TENM4: variants seen among roughly 807,000 people sequenced by gnomAD.
The protein encoded by TENM4 is teneurin transmembrane protein 4.
TENM4 carries 82 observed loss-of-function variants against 243.3 expected under a neutral mutation model. The observed-to-expected ratio is 0.34, with a 90% CI of 0.28 to 0.40. TENM4 has a LOEUF of 0.40. TENM4 is among the 10% of genes least tolerant of loss of function. TENM4 has a pLI of 1.00. For synonymous variants in TENM4, 1,412 were observed against 1,456.3 expected (o/e 0.97, Z 0.69); for missense variants, 3,138 against 3,673.3 (o/e 0.85, Z 3.77).
rs147379455 is a variant in TENM4 at position 79,049,692 on chromosome 11, C to T, written c.493+15046G>A. Among the ~76,000 whole-genome samples, 692 of 152,326 alleles carry T rather than the reference C, an allele frequency of 4.5e-3. 10 individuals are homozygous for T. Among genetic ancestry groups the T allele is most frequent in the African/African-American group, 0.016 (655 of 41,574 alleles). ...ACCAATAATGAGTGTATGTTAAACA[C>T]CTTATTTCCTTCCGGGAGATTGGAA... On this transcript the variant is annotated intron_variant, in intron 6 of 33. Coordinates refer to ENST00000278550, the MANE Select transcript of TENM4 (RefSeq NM_001098816.3).
chr11:79,277,473 T>C (rs1388490793), intron 2 of TENM4, among the ~76,000 whole-genome samples: 1 of 152,214 alleles, frequency 6.6e-6, no homozygotes, highest in African/African-American at 2.4e-5. Context: ...CCTGACAATG[T>C]CTAATCAACG....
chr11:79,395,922 C>A (rs1458356435), intron 1 of TENM4, among the ~76,000 whole-genome samples: 1 of 152,184 alleles, frequency 6.6e-6, no homozygotes, highest in African/African-American at 2.4e-5. Context: ...GTTGGAGCTC[C>A]TTGGCCTCAG....
intron 1 of TENM4, among the ~76,000 whole-genome samples, chr11:79,331,098 T>C (rs972816060): frequency 2.6e-5 from 4 of 152,216 alleles, no homozygotes; most frequent in African/African-American, 9.6e-5. Context: ...GGATGAATGA[T>C]TCAGAGTTAG....
At chr11:78,940,710 G>A (rs1856872990) in intron 6 of TENM4, among the ~76,000 whole-genome samples, 2 of 152,156 alleles carry the variant, frequency 1.3e-5, no homozygotes, top group African/African-American at 2.4e-5. Context: ...CCTGTAACCT[G>A]AGCCCCACTG....
chr11:79,249,390 T>G (rs1855572046), intron 2 of TENM4, among the ~76,000 whole-genome samples: 1 of 152,202 alleles, frequency 6.6e-6, no homozygotes, highest in African/African-American at 2.4e-5. Flanking sequence ...ATGCTTCTAG[T>G]CTACCTTTTA....
chr11:79,438,435 C>A lies in TENM4; in HGVS notation c.-321+2074G>T, dbSNP rs912691367. ...AAGCCATACCCGACCCCAGCCCCAT[C>A]CCGTCCCCATCAGCGCCGGGCTAGC... is the stretch of plus-strand genomic sequence containing the variant. On this transcript the variant is annotated intron_variant, in intron 1 of 33. Transcript: ENST00000278550. The surrounding 1 kb of genome is among the most constrained non-coding windows in gnomAD (Gnocchi z 4.1). 6.6e-6 allele frequency among the ~76,000 whole-genome samples: 1 copy of A among 152,164 alleles called. No individual in the cohort carries two copies. Among genetic ancestry groups the A allele is most frequent in the Non-Finnish European group, 1.5e-5 (1 of 68,014 alleles).
At chr11:78,858,631 C>A (rs1858737677) in intron 10 of TENM4, among the ~76,000 whole-genome samples, 3 of 152,184 alleles carry the variant, frequency 2.0e-5, no homozygotes, top group African/African-American at 7.2e-5. Context: ...TGCTATAAGA[C>A]TTTTTGTCCT....
intron 19 of TENM4, among the ~76,000 whole-genome samples, chr11:78,738,970 C>A (rs1391460186): frequency 6.6e-6 from 1 of 151,860 alleles, no homozygotes; most frequent in Non-Finnish European, 1.5e-5. Flanking sequence ...TAGGCATGTG[C>A]CAGTTCTTTG....
intron 13 of TENM4, among the ~76,000 whole-genome samples, chr11:78,813,042 T>C (rs575003670): frequency 4.6e-5 from 7 of 152,324 alleles, no homozygotes; most frequent in African/African-American, 1.7e-4. Context: ...CGGTAATTCT[T>C]GTTAGAAGGA....
intron 4 of TENM4, among the ~76,000 whole-genome samples, chr11:79,073,673 G>T: frequency 1.3e-5 from 2 of 152,088 alleles, no homozygotes; most frequent in East Asian, 3.9e-4. Context: ...CCACTGACCG[G>T]CTGAATGACC....
At position 79,406,096 on chromosome 11, in the gene TENM4, A is replaced by T. The variant is rs372272435; in HGVS notation, c.-321+34413T>A. Among the ~76,000 whole-genome samples, 9 of 152,222 alleles carry T rather than the reference A, an allele frequency of 5.9e-5. 1 individual carries two copies. In the South Asian group the frequency reaches 1.9e-3, roughly 32 times the overall value. On this transcript the variant is annotated intron_variant, in intron 1 of 33. Coordinates refer to ENST00000278550, the MANE Select transcript of TENM4 (RefSeq NM_001098816.3). ...GATGTTTCTTGGCCTGACTGTGCAGACATACAATCTTGACCAAAGACAAGG... is the reference window on the plus strand; with the variant it reads ...GATGTTTCTTGGCCTGACTGTGCAGTCATACAATCTTGACCAAAGACAAGG...
intron 6 of TENM4, among the ~76,000 whole-genome samples, chr11:78,933,536 C>T (rs677624): frequency 0.63 from 95,471 of 152,108 alleles, 31,575 homozygotes; most frequent in East Asian, 0.76. Context: ...ATTCAGGCCT[C>T]AGGCAAGACA....
intron 6 of TENM4, among the ~76,000 whole-genome samples, chr11:78,980,082 T>C (rs1857757714): frequency 1.3e-5 from 2 of 152,242 alleles, no homozygotes; most frequent in Admixed American, 6.5e-5. Flanking sequence ...TGTAAGTCTA[T>C]GATTTTCTGA....
intron 18 of TENM4, among the ~76,000 whole-genome samples, chr11:78,762,922 T>G (rs1407172570): frequency 6.6e-6 from 1 of 152,226 alleles, no homozygotes; most frequent in Non-Finnish European, 1.5e-5. Context: ...ATGTAATTTT[T>G]GGGATAGACT....
At chr11:78,742,601 T>C (rs1855954484) in intron 19 of TENM4, among the ~76,000 whole-genome samples, 1 of 152,094 alleles carries the variant, frequency 6.6e-6, no homozygotes, top group Non-Finnish European at 1.5e-5. Flanking sequence ...AAACAAGCAG[T>C]TAGGCTAGGT....
intron 6 of TENM4, among the ~76,000 whole-genome samples, chr11:79,054,660 G>T (rs1282050145): frequency 6.6e-6 from 1 of 151,998 alleles, no homozygotes; most frequent in Non-Finnish European, 1.5e-5. Context: ...GCTATTTTTT[G>T]TTGTTGTTAT....
At chr11:78,841,064 C>T (rs1451251620) in intron 12 of TENM4, among the ~76,000 whole-genome samples, 1 of 152,198 alleles carries the variant, frequency 6.6e-6, no homozygotes, top group Non-Finnish European at 1.5e-5. Context: ...CTGCCAATAA[C>T]AATAGCGAAC....
At chr11:78,851,185 T>C (rs1382289012) in intron 12 of TENM4, among the ~76,000 whole-genome samples, 1 of 152,202 alleles carries the variant, frequency 6.6e-6, no homozygotes, top group Non-Finnish European at 1.5e-5. Flanking sequence ...TGGTTGGAAA[T>C]GCTGAATCTA....
intron 25 of TENM4, among the ~76,000 whole-genome samples, chr11:78,716,264 C>T (rs1324813183): frequency 2.0e-5 from 3 of 152,184 alleles, no homozygotes; most frequent in Non-Finnish European, 4.4e-5. Context: ...TGCTCATCTT[C>T]TGAGGTTCAG....
Sources: allele counts gnomAD v4.1 joint callset (sites outside exome capture counted in the v4.1 genomes callset), GRCh38; gene constraint gnomAD v4.1.1; non-coding constraint Gnocchi (gnomAD v3.1); transcripts MANE v1.5; gene names NCBI Gene and HGNC (gene_info 2026-07-23, HGNC 2026-07-21).